The following FAM83A variants were observed in gnomAD, a reference collection of about 807,000 sequenced individuals.
FAM83A encodes the protein protein FAM83A.
Under a neutral mutation model 24.4 loss-of-function variants are expected in FAM83A, and 21 were observed. That is an observed-to-expected ratio of 0.86 (90% CI 0.61 to 1.24). FAM83A has a LOEUF of 1.24. FAM83A is among the 50% of genes most tolerant of loss of function. The pLI is 0.00. For synonymous variants in FAM83A, 270 were observed against 252.4 expected, an observed-to-expected ratio of 1.07 and a Z score of -0.66; for missense variants, 617 against 579.8, an observed-to-expected ratio of 1.06 and a Z score of -0.66.
upstream of FAM83A, chr8:123,182,259 G>A (rs1195722138): frequency 2.1e-5 from 8 of 387,770 alleles, no homozygotes; most frequent in Admixed American, 8.2e-5. Context: ...GAGGAGGCGC[G>A]CCTGGTCAAC....
intron 3 of FAM83A, among the ~76,000 whole-genome samples, chr8:123,198,983 G>A (rs532216644): frequency 7.2e-5 from 11 of 152,174 alleles, no homozygotes; most frequent in African/African-American, 2.2e-4. Context: ...CAATTGATGC[G>A]CCCTCCTCGG....
chr8:123,209,306 C>T lies in FAM83A; in HGVS notation c.*1618C>T, dbSNP rs1451661518. On this transcript the variant is annotated 3_prime_UTR_variant, in exon 4 of 4. Coordinates refer to ENST00000690554, the Ensembl canonical transcript of FAM83A. The surrounding 1 kb of genome is among the most constrained non-coding windows in gnomAD (Gnocchi z 4.7). Reference sequence around the variant, plus strand: ...CCTAGTCCCCTCTGCCCATCCATCCCTCTGTTCCAATTCTCCACTGCTCCC... The same window carrying T: ...CCTAGTCCCCTCTGCCCATCCATCCTTCTGTTCCAATTCTCCACTGCTCCC... The T allele has an allele frequency of 1.2e-5, 16 of 1,390,994 alleles. No homozygotes were observed. Among genetic ancestry groups the T allele is most frequent in the Non-Finnish European group, 1.5e-5 (16 of 1,080,472 alleles). The allele number at this position is 1,390,994 out of a possible 1,614,324, so 86.2% of individuals were successfully genotyped here.
chr8:123,194,130 T>C lies in FAM83A; in HGVS notation c.755T>C (p.Val252Ala), dbSNP rs751451364. The C allele has an allele frequency of 2.5e-6, 4 of 1,614,076 alleles. No individual in the cohort carries two copies. Among genetic ancestry groups the C allele is most frequent in the Non-Finnish European group, 3.4e-6 (4 of 1,180,042 alleles). ...TTCATCATCTCGGACTGGAGATTTGTCCTGTCTGGATCTTACAGGTGAGCC... is the reference window on the plus strand; with the variant it reads ...TTCATCATCTCGGACTGGAGATTTGCCCTGTCTGGATCTTACAGGTGAGCC... The change falls in exon 3 of 4, where the codon GTC becomes GCC. Residue 252 changes from valine to alanine, a missense_variant. Val to Ala is a moderately conservative substitution (Grantham distance 64, BLOSUM62 0). Transcript: ENST00000690554.
chr8:123,191,882 T>G (rs1586779687), exon 2 of FAM83A: 1 of 1,614,012 alleles, frequency 6.2e-7, no homozygotes, highest in Non-Finnish European at 8.5e-7. Context: ...AAGCGTGGGG[T>G]GTTCGTTTGT....
chr8:123,194,763 G>A (rs181349344), intron 3 of FAM83A, among the ~76,000 whole-genome samples: 13 of 152,286 alleles, frequency 8.5e-5, no homozygotes, highest in Admixed American at 2.0e-4. Context: ...GATTAGAGGC[G>A]TGAGCCACTG....
upstream of FAM83A, chr8:123,182,282 C>G: frequency 2.7e-6 from 1 of 374,042 alleles, no homozygotes; most frequent in Non-Finnish European, 5.4e-6. Context: ...CTCTCCCTGG[C>G]CCGTGTCCAG....
chr8:123,183,477 GC>G, intron 1 of FAM83A, 141 bp downstream of exon 1: 8 of 1,317,756 alleles, frequency 6.1e-6, no homozygotes, highest in Non-Finnish European at 8.1e-6. Flanking sequence ...TTTGCTGTCC[GC>G]CTTGCCCTGG....
intron 3 of FAM83A, among the ~76,000 whole-genome samples, chr8:123,200,693 C>A (rs144980490): frequency 6.6e-6 from 1 of 152,168 alleles, no homozygotes; most frequent in African/African-American, 2.4e-5. Flanking sequence ...ATGGCTCACA[C>A]CTGTAATCCC....
chr8:123,192,084 T>C, intron 2 of FAM83A, 114 bp downstream of exon 2: 1 of 1,260,668 alleles, frequency 7.9e-7, no homozygotes, highest in South Asian at 1.5e-5. Flanking sequence ...CAATAAAGGT[T>C]CATTTCTTGC....
rs1192221256 is a variant in FAM83A at position 123,209,853 on chromosome 8, CG to C, written c.*2169del. On this transcript the variant is annotated 3_prime_UTR_variant, in exon 4 of 4. Coordinates refer to ENST00000690554, the Ensembl canonical transcript of FAM83A. This position sits in a 1 kb window ranked among gnomAD's most constrained non-coding sequence, Gnocchi z 4.7. ...TGCGCTGCCTGCTGGGAGGTTAGGT[CG>C]GGGCTGCCCCGGCGAGTGGAGCATG... 1 of 366,362 alleles carries C rather than the reference CG, an allele frequency of 2.7e-6. No individual in the cohort carries two copies. The highest frequency in any genetic ancestry group is 5.1e-6 in the Non-Finnish European group (1 of 197,474). 22.7% of individuals were successfully genotyped at this position (366,362 alleles called of 1,614,324 possible).
At chr8:123,202,808 T>C (rs570186345) in intron 3 of FAM83A, 39 of 152,434 alleles carry the variant, frequency 2.6e-4, no homozygotes, top group Admixed American at 2.4e-3. Context: ...AGGTAAAGGA[T>C]GTTCTGGAAA....
At chr8:123,193,683 C>A (rs1563784051) in intron 2 of FAM83A, among the ~76,000 whole-genome samples, 1 of 152,174 alleles carries the variant, frequency 6.6e-6, no homozygotes, top group East Asian at 1.9e-4. Flanking sequence ...CCTCATGGTT[C>A]TAGAGGCTGG....
intron 3 of FAM83A, among the ~76,000 whole-genome samples, chr8:123,196,547 A>G (rs1264315329): frequency 6.6e-6 from 1 of 151,638 alleles, no homozygotes; most frequent in Non-Finnish European, 1.5e-5. Context: ...TTATATTTTT[A>G]CTCTTTTCTT....
intron 3 of FAM83A, among the ~76,000 whole-genome samples, chr8:123,205,401 G>A (rs1293923442): frequency 6.6e-6 from 1 of 152,252 alleles, no homozygotes; most frequent in Non-Finnish European, 1.5e-5. Flanking sequence ...TCCCGTGGCG[G>A]GGCTGGCGCT....
At position 123,209,422 on chromosome 8, in the gene FAM83A, T is replaced by C. The variant is rs775976064; in HGVS notation, c.*1734T>C. On this transcript the variant is annotated 3_prime_UTR_variant, in exon 4 of 4. Transcript: ENST00000690554. The surrounding 1 kb of genome is among the most constrained non-coding windows in gnomAD (Gnocchi z 4.7). ...TTCCTGTCCTTCACTTTTTTCCTCCTTAGTTCCTGAAAGTAAACAAAACAA... is the reference window on the plus strand; with the variant it reads ...TTCCTGTCCTTCACTTTTTTCCTCCCTAGTTCCTGAAAGTAAACAAAACAA... The C allele has an allele frequency of 1.9e-6, 3 of 1,613,690 alleles. No homozygotes were observed. Among genetic ancestry groups the C allele is most frequent in the East Asian group, 4.5e-5 (2 of 44,880 alleles).
intron 3 of FAM83A, among the ~76,000 whole-genome samples, chr8:123,199,674 C>T (rs974384660): frequency 4.0e-5 from 6 of 151,652 alleles, no homozygotes; most frequent in East Asian, 1.9e-4. Context: ...GCAGAGGTTG[C>T]GGTGAGCCAA....
At chr8:123,208,917 T>C (rs1285894338) in exon 4 of FAM83A, 2 of 980,136 alleles carry the variant, frequency 2.0e-6, no homozygotes, top group Non-Finnish European at 2.4e-6. Flanking sequence ...TGAGCTGAGA[T>C]TGCATCACTG....
At chr8:123,182,743 G>A (rs1823636363) in exon 1 of FAM83A, 6 of 1,460,922 alleles carry the variant, frequency 4.1e-6, no homozygotes, top group South Asian at 2.6e-5. Context: ...CTGGGAGCAG[G>A]CGGCCTCCCG....
chr8:123,207,607 G>A, exon 4 of FAM83A: 7 of 1,563,402 alleles, frequency 4.5e-6, no homozygotes, highest in Non-Finnish European at 6.0e-6. Context: ...GGCCCACGCG[G>A]CTGCAGCTGG....
Sources: allele counts gnomAD v4.1 joint callset (sites outside exome capture counted in the v4.1 genomes callset), GRCh38; gene constraint gnomAD v4.1.1; non-coding constraint Gnocchi (gnomAD v3.1); transcripts MANE v1.5; gene names NCBI Gene and HGNC (gene_info 2026-07-23, HGNC 2026-07-21).